CTNNA3: variants seen among roughly 807,000 people sequenced by gnomAD.
CTNNA3 encodes catenin alpha-3.
CTNNA3 carries 76 observed loss-of-function variants against 95.7 expected under a neutral mutation model. The ratio of observed to expected loss-of-function variants is 0.79; its 90% CI spans 0.66 to 0.96. CTNNA3 has a LOEUF of 0.96. Ranked by LOEUF, CTNNA3 falls within the 40% of genes least tolerant of loss-of-function variation. The pLI is 0.00. For synonymous variants in CTNNA3, 431 were observed against 374.4 expected (o/e 1.15, Z -1.74); for missense variants, 1,191 against 1,089.8 (o/e 1.09, Z -1.31).
intron 10 of CTNNA3, among the ~76,000 whole-genome samples, chr10:66,544,925 T>A (rs571126421): frequency 6.6e-6 from 1 of 152,226 alleles, no homozygotes; most frequent in South Asian, 2.1e-4. Flanking sequence ...TGGGAAAAGA[T>A]TTATGTAACA....
At chr10:67,294,869 T>C (rs965449997) in intron 5 of CTNNA3, among the ~76,000 whole-genome samples, 24 of 152,226 alleles carry the variant, frequency 1.6e-4, no homozygotes, top group Admixed American at 6.5e-4. Context: ...TAATTTTTGT[T>C]CAGTAATTGG....
At chr10:67,026,289 T>C (rs1853385573) in intron 7 of CTNNA3, among the ~76,000 whole-genome samples, 1 of 151,964 alleles carries the variant, frequency 6.6e-6, no homozygotes, top group Non-Finnish European at 1.5e-5. Context: ...GAGAAAAAAA[T>C]ACTTATGACC....
At chr10:66,889,790 C>CTT (rs71468807) in intron 7 of CTNNA3, among the ~76,000 whole-genome samples, 2 of 131,060 alleles carry the variant, frequency 1.5e-5, no homozygotes, top group African/African-American at 5.5e-5. Context: ...AACCACAGAC[C>CTT]TTTTTTTTTT....
intron 7 of CTNNA3, among the ~76,000 whole-genome samples, chr10:67,010,117 TCTAA>T (rs1262690188): frequency 1.5e-4 from 23 of 152,188 alleles, no homozygotes; most frequent in African/African-American, 5.1e-4. Context: ...TTTATCATAC[TCTAA>T]CTAGTACTAT....
chr10:67,650,289 C>T lies in CTNNA3; in HGVS notation c.-5-2771G>A, dbSNP rs180896813. Reference sequence around the variant, plus strand: ...GAAGCTTACTATACCATTAGATGCTCGTTGAGTTGAAACCTGCCACTTTTA... The same window carrying T: ...GAAGCTTACTATACCATTAGATGCTTGTTGAGTTGAAACCTGCCACTTTTA... On this transcript the variant is annotated intron_variant, in intron 1 of 17. Coordinates refer to ENST00000433211, the MANE Select transcript of CTNNA3 (RefSeq NM_013266.4). 6.6e-4 allele frequency among the ~76,000 whole-genome samples: 101 copies of T among 152,262 alleles called. 1 individual carries two copies. The highest frequency in any genetic ancestry group is 2.9e-5 in the Non-Finnish European group (2 of 68,022).
chr10:66,890,091 G>A (rs548489662), intron 7 of CTNNA3, among the ~76,000 whole-genome samples: 115 of 152,144 alleles, frequency 7.6e-4, no homozygotes, highest in Middle Eastern at 3.4e-3. Context: ...GCACCCGGCC[G>A]GAACCACAGA....
intron 7 of CTNNA3, among the ~76,000 whole-genome samples, chr10:67,042,729 A>G (rs944529521): frequency 6.6e-6 from 1 of 152,114 alleles, no homozygotes; most frequent in Non-Finnish European, 1.5e-5. Flanking sequence ...TGATTGTCAT[A>G]GAAAAAGAAG....
chr10:66,614,837 T>C (rs569635175), intron 10 of CTNNA3, among the ~76,000 whole-genome samples: 2 of 152,122 alleles, frequency 1.3e-5, no homozygotes, highest in South Asian at 2.1e-4. Context: ...TCTTGTGATT[T>C]TGGAAAATCT....
intron 10 of CTNNA3, among the ~76,000 whole-genome samples, chr10:66,593,459 C>T (rs1843616714): frequency 6.6e-6 from 1 of 152,130 alleles, no homozygotes; most frequent in Non-Finnish European, 1.5e-5. Flanking sequence ...AGTTGGACCA[C>T]ATCACCAAAG....
chr10:66,922,793 G>C (rs1485282749), intron 7 of CTNNA3, among the ~76,000 whole-genome samples: 2 of 150,146 alleles, frequency 1.3e-5, no homozygotes, highest in Non-Finnish European at 1.5e-5. Flanking sequence ...CTGTCATATA[G>C]TTTTGTTTTA....
chr10:66,681,250 G>A (rs1847058008), intron 9 of CTNNA3, among the ~76,000 whole-genome samples: 1 of 152,108 alleles, frequency 6.6e-6, no homozygotes, highest in South Asian at 2.1e-4. Flanking sequence ...TTTGGGGAGT[G>A]ACTGCATATT....
intron 13 of CTNNA3, among the ~76,000 whole-genome samples, chr10:66,136,002 T>C (rs1037324869): frequency 6.6e-6 from 1 of 151,792 alleles, no homozygotes; most frequent in East Asian, 1.9e-4. Context: ...CCTGTGTTCA[T>C]GCCATTCTGC....
chr10:66,316,339 A>G (rs900719400), intron 12 of CTNNA3, among the ~76,000 whole-genome samples: 1 of 152,134 alleles, frequency 6.6e-6, no homozygotes, highest in South Asian at 2.1e-4. Context: ...GCACTTTTGC[A>G]CTGCATCATT....
chr10:67,695,758 T>G (rs1274790244), intron 1 of CTNNA3, among the ~76,000 whole-genome samples: 1 of 152,208 alleles, frequency 6.6e-6, no homozygotes, highest in Non-Finnish European at 1.5e-5. Flanking sequence ...AAGCACGACC[T>G]TGGCTACCAG....
intron 4 of CTNNA3, among the ~76,000 whole-genome samples, chr10:67,525,933 G>A (rs890851983): frequency 5.3e-5 from 8 of 152,156 alleles, no homozygotes; most frequent in African/African-American, 9.7e-5. Flanking sequence ...TACCCGCAGC[G>A]TTATGTGTAC....
chr10:67,191,907 T>G (rs1350799237), intron 6 of CTNNA3, among the ~76,000 whole-genome samples: 1 of 151,880 alleles, frequency 6.6e-6, no homozygotes, highest in African/African-American at 2.4e-5. Context: ...AAACACCATT[T>G]GAATAGAATT....
At chr10:67,683,539 C>T (rs1215545491) in intron 1 of CTNNA3, among the ~76,000 whole-genome samples, 2 of 152,210 alleles carry the variant, frequency 1.3e-5, no homozygotes, top group East Asian at 3.8e-4. Context: ...ACTGATGCCA[C>T]CCCTAGAGGC....
At chr10:66,231,978 A>G (rs1275389227) in intron 13 of CTNNA3, among the ~76,000 whole-genome samples, 1 of 152,334 alleles carries the variant, frequency 6.6e-6, no homozygotes, top group East Asian at 1.9e-4. Context: ...CTGTTTCACC[A>G]TCTAAACAGA....
chr10:66,730,846 T>C (rs1476642234), intron 9 of CTNNA3, among the ~76,000 whole-genome samples: 5 of 152,196 alleles, frequency 3.3e-5, no homozygotes, highest in Non-Finnish European at 5.9e-5. Flanking sequence ...AATCTTACTT[T>C]ATTTGTTTCA....
Sources: gnomAD v4.1 joint callset for allele counts (sites outside exome capture counted in the v4.1 genomes callset) on GRCh38, gnomAD v4.1.1 for gene constraint, MANE v1.5 for transcripts, NCBI Gene and HGNC (gene_info 2026-07-23, HGNC 2026-07-21) for gene names.